MAP6: variants seen among roughly 807,000 people sequenced by gnomAD.
The protein encoded by MAP6 is microtubule-associated protein 6.
MAP6 carries 26 observed loss-of-function variants against 42.4 expected under a neutral mutation model. The ratio of observed to expected loss-of-function variants is 0.61; its 90% CI spans 0.45 to 0.85. MAP6 has a LOEUF of 0.85. Among genes scored for constraint, MAP6 ranks in the 40% least tolerant of loss-of-function variants. The pLI is 0.00. For missense variants in MAP6, 966 were observed against 1,099.0 expected, an observed-to-expected ratio of 0.88 and a Z score of 1.71; for synonymous variants, 418 against 443.8, an observed-to-expected ratio of 0.94 and a Z score of 0.73.
intron 1 of MAP6, among the ~76,000 whole-genome samples, chr11:75,626,877 T>C (rs1054652902): frequency 6.6e-6 from 1 of 152,118 alleles, no homozygotes; most frequent in African/African-American, 2.4e-5. Flanking sequence ...AATAAATGAT[T>C]TGAGTCATTT....
At chr11:75,659,310 C>T (rs970012434) in intron 1 of MAP6, among the ~76,000 whole-genome samples, 6 of 152,134 alleles carry the variant, frequency 3.9e-5, no homozygotes, top group South Asian at 2.1e-4. Flanking sequence ...GGTGAAACCC[C>T]GTCTCTACTA....
intron 3 of MAP6, chr11:75,604,473 C>A: frequency 3.0e-6 from 3 of 985,390 alleles, no homozygotes; most frequent in Non-Finnish European, 3.6e-6. Flanking sequence ...CCCAGTGTGT[C>A]AGAATGCCGG....
chr11:75,587,274 G>A lies in MAP6; in HGVS notation c.2227C>T (p.Pro743Ser). The change falls in exon 4 of 4, where the codon CCT becomes TCT. Residue 743 changes from proline (P) to serine (S), a missense_variant. Coordinates refer to ENST00000304771, the MANE Select transcript of MAP6 (RefSeq NM_033063.2). ...QPPKNQGRIVPEPLKNQVPIV... is the reference protein window; with the variant it reads ...QPPKNQGRIVSEPLKNQVPIV... ...GGAACTTGATTCTTCAGAGGTTCAG[G>A]GACTATACGACCTTGATTCTTTGGA... The A allele has an allele frequency of 6.2e-7, 1 of 1,614,132 alleles. No individual in the cohort carries two copies. Among genetic ancestry groups the A allele is most frequent in the Non-Finnish European group, 8.5e-7 (1 of 1,180,028 alleles).
chr11:75,598,740 G>T (rs527255515), intron 3 of MAP6: 1 of 152,408 alleles, frequency 6.6e-6, no homozygotes, highest in South Asian at 2.1e-4. Context: ...GGTAGGCTTT[G>T]GGCCAGAAGC....
intron 1 of MAP6, among the ~76,000 whole-genome samples, chr11:75,608,649 A>G (rs1042124194): frequency 2.0e-5 from 3 of 152,046 alleles, no homozygotes; most frequent in Admixed American, 2.0e-4. Flanking sequence ...AAAAAACCCA[A>G]CCCATTCAGT....
chr11:75,650,305 G>A (rs1943626917), intron 1 of MAP6, among the ~76,000 whole-genome samples: 1 of 152,222 alleles, frequency 6.6e-6, no homozygotes, highest in Non-Finnish European at 1.5e-5. Flanking sequence ...TTTAACCTTA[G>A]GCTCTGCTCC....
chr11:75,618,577 G>C (rs1312048848), intron 1 of MAP6, among the ~76,000 whole-genome samples: 2 of 151,968 alleles, frequency 1.3e-5, no homozygotes, highest in Non-Finnish European at 2.9e-5. Flanking sequence ...TTGCACTCCA[G>C]CCTGGGCAAC....
chr11:75,664,365 A>G (rs1033491384), intron 1 of MAP6, among the ~76,000 whole-genome samples: 1 of 152,222 alleles, frequency 6.6e-6, no homozygotes, highest in African/African-American at 2.4e-5. Flanking sequence ...AAGGGTATCT[A>G]ATGTTATTTA....
At chr11:75,660,556 A>G (rs549372446) in intron 1 of MAP6, among the ~76,000 whole-genome samples, 1 of 152,196 alleles carries the variant, frequency 6.6e-6, no homozygotes, top group East Asian at 1.9e-4. Context: ...GGTCATTTAG[A>G]TCTGTTGTTT....
At chr11:75,640,686 C>T (rs1008521130) in intron 1 of MAP6, among the ~76,000 whole-genome samples, 3 of 152,194 alleles carry the variant, frequency 2.0e-5, no homozygotes, top group South Asian at 2.1e-4. Flanking sequence ...TATGAACAGA[C>T]GCTTCTCAAA....
At chr11:75,594,589 CTG>C (rs1215657606) in intron 3 of MAP6, 2 of 152,256 alleles carry the variant, frequency 1.3e-5, no homozygotes, top group Admixed American at 6.5e-5. Context: ...GCCTGTGGGA[CTG>C]TGTTTTCTTC....
At chr11:75,618,762 G>C (rs1485812825) in intron 1 of MAP6, among the ~76,000 whole-genome samples, 2 of 152,174 alleles carry the variant, frequency 1.3e-5, no homozygotes, top group Non-Finnish European at 2.9e-5. Flanking sequence ...CTGGCCAGAG[G>C]CCCCCCTAAA....
At position 75,669,014 on chromosome 11, in the gene MAP6, C is replaced by G. The variant is rs561630973; in HGVS notation, c.-645G>C. 5 of 165,948 alleles carry G rather than the reference C, an allele frequency of 3.0e-5. No individual in the cohort carries two copies. The highest frequency in any genetic ancestry group is 2.6e-4 in the Admixed American group (4 of 15,520). The allele number at this position is 165,948 out of a possible 1,614,324, so 10.3% of individuals were successfully genotyped here. A position where few individuals can be genotyped will look rare whatever the true frequency, so the allele number is the denominator to read the frequency against. ...CGCTGCCCGCGAATGATGCTGCAGCCGCTGCCGCCGCCGCCTCTGCCTCTG... is the reference window on the plus strand; with the variant it reads ...CGCTGCCCGCGAATGATGCTGCAGCGGCTGCCGCCGCCGCCTCTGCCTCTG... On this transcript the variant is annotated 5_prime_UTR_variant, in exon 1 of 4. Coordinates refer to ENST00000304771, the MANE Select transcript of MAP6 (RefSeq NM_033063.2).
intron 1 of MAP6, among the ~76,000 whole-genome samples, chr11:75,623,537 C>T (rs913249442): frequency 6.6e-6 from 1 of 152,172 alleles, no homozygotes; most frequent in Non-Finnish European, 1.5e-5. Flanking sequence ...TGCTCACCTT[C>T]TTTGTCTGAC....
intron 2 of MAP6, 141 bp downstream of exon 2, chr11:75,607,968 A>G: frequency 1.4e-6 from 1 of 729,612 alleles, no homozygotes; most frequent in South Asian, 1.8e-5. Flanking sequence ...CCTGGGTCTC[A>G]GTGTGCTTTA....
intron 1 of MAP6, among the ~76,000 whole-genome samples, chr11:75,609,309 G>C (rs1942844117): frequency 6.6e-6 from 1 of 152,150 alleles, no homozygotes; most frequent in African/African-American, 2.4e-5. Flanking sequence ...GGTCTTTATT[G>C]GGTCTGTTCT....
At chr11:75,603,279 C>T (rs1942698706) in intron 3 of MAP6, 1 of 985,598 alleles carries the variant, frequency 1.0e-6, no homozygotes, top group Non-Finnish European at 1.2e-6. Context: ...GTACAGAGGC[C>T]AGTGGGACGA....
chr11:75,627,143 C>A (rs890818822), intron 1 of MAP6, among the ~76,000 whole-genome samples: 1 of 152,214 alleles, frequency 6.6e-6, no homozygotes, highest in Non-Finnish European at 1.5e-5. Context: ...CTGTGAGATT[C>A]AAAAATCATC....
rs772178903 is a variant in MAP6, at chr11:75,661,019, GA to G, written c.905+6445del. Among the ~76,000 whole-genome samples, 47 of 149,482 alleles carry G rather than the reference GA, an allele frequency of 3.1e-4. 1 individual carries two copies. In the East Asian group the frequency reaches 4.7e-3, roughly 15 times the overall value. On this transcript the variant is annotated intron_variant, in intron 1 of 3. Transcript: ENST00000304771. ...AATAAATATTAGGTATGAAAAAGGA[GA>G]CATAACTACAGGTAAGTAGAGATTA...
Sources: gnomAD v4.1 joint callset for allele counts (sites outside exome capture counted in the v4.1 genomes callset) on GRCh38, gnomAD v4.1.1 for gene constraint, MANE v1.5 for transcripts, NCBI Gene and HGNC (gene_info 2026-07-23, HGNC 2026-07-21) for gene names.